Variants in PRKAR2A observed in about 807,000 individuals in gnomAD.
The protein encoded by PRKAR2A is protein kinase cAMP-dependent type II regulatory subunit alpha, also known as cAMP-dependent protein kinase type II-alpha regulatory subunit.
A neutral mutation model predicts 51.9 loss-of-function variants in PRKAR2A; 29 were observed. The ratio of observed to expected loss-of-function variants is 0.56; its 90% confidence interval spans 0.42 to 0.76. The LOEUF (loss-of-function observed/expected upper bound fraction) is 0.76. Ranked by LOEUF, PRKAR2A falls within the 30% of genes least tolerant of loss-of-function variation. PRKAR2A has a pLI of 0.00. For synonymous variants in PRKAR2A, 178 were observed against 186.2 expected, an observed-to-expected ratio of 0.96 and a Z score of 0.36; for missense variants, 445 against 512.1, an observed-to-expected ratio of 0.87 and a Z score of 1.26.
chr3:48,746,573 A>G (rs1028172580), downstream of PRKAR2A: 7 of 152,146 alleles, frequency 4.6e-5, no homozygotes, highest in African/African-American at 1.7e-4. Context: ...AGACTGCACC[A>G]GAAAGTCAGA....
At chr3:48,785,916 C>G (rs1029376564) in intron 4 of PRKAR2A, among the ~76,000 whole-genome samples, 2 of 151,974 alleles carry the variant, frequency 1.3e-5, no homozygotes, top group Non-Finnish European at 2.9e-5. Flanking sequence ...TGTTATTATT[C>G]TTTTGAATTT....
At chr3:48,776,465 A>G (rs566621332) in intron 5 of PRKAR2A, among the ~76,000 whole-genome samples, 2 of 152,280 alleles carry the variant, frequency 1.3e-5, no homozygotes, top group East Asian at 1.9e-4. Context: ...GTTTCTATAT[A>G]TATCATGGAG....
intron 2 of PRKAR2A, among the ~76,000 whole-genome samples, chr3:48,801,284 C>CT (rs2082586170): frequency 6.6e-6 from 1 of 152,074 alleles, no homozygotes; most frequent in Non-Finnish European, 1.5e-5. Flanking sequence ...TCCCAGGTAG[C>CT]TGGGATTACA....
chr3:48,847,032 A>G lies in PRKAR2A; in HGVS notation c.262+303T>C, dbSNP rs554459360. 6.6e-6 allele frequency among the ~76,000 whole-genome samples: 1 copy of G among 152,370 alleles called. No homozygotes were observed. The highest frequency in any genetic ancestry group is 2.1e-4 in the South Asian group (1 of 4,832). ...GTTGTCTTCGAAGCCAAAACTGGTG[A>G]AGGGTCTTAAGCAAAGGCGAGGGAT... is the stretch of plus-strand genomic sequence containing the variant. On this transcript the variant is annotated intron_variant, in intron 1 of 10. Coordinates refer to ENST00000265563, the MANE Select transcript of PRKAR2A (RefSeq NM_004157.4). This position sits in a 1 kb window ranked among gnomAD's most constrained non-coding sequence, Gnocchi z 4.4.
At chr3:48,824,561 GAAA>G (rs2083026855) in intron 1 of PRKAR2A, among the ~76,000 whole-genome samples, 2 of 124,650 alleles carry the variant, frequency 1.6e-5, no homozygotes, top group Non-Finnish European at 3.2e-5. Context: ...AAGAAAGAAA[GAAA>G]GAAAGAAAGA....
downstream of PRKAR2A, among the ~76,000 whole-genome samples, chr3:48,745,434 A>T (rs2081553236): frequency 1.3e-5 from 2 of 151,610 alleles, no homozygotes; most frequent in African/African-American, 4.9e-5. Context: ...TGTGATTGCT[A>T]ATTTTATGTG....
At chr3:48,752,659 G>A (rs560305674) in intron 9 of PRKAR2A, among the ~76,000 whole-genome samples, 4 of 151,952 alleles carry the variant, frequency 2.6e-5, no homozygotes, top group South Asian at 2.1e-4. Context: ...TTGAGACTGC[G>A]CCTTGAACAA....
At chr3:48,753,055 C>A (rs1256051638) in intron 9 of PRKAR2A, among the ~76,000 whole-genome samples, 1 of 150,550 alleles carries the variant, frequency 6.6e-6, no homozygotes, top group African/African-American at 2.4e-5. Context: ...GCCTCAACCT[C>A]CCAAGTAGCT....
chr3:48,779,572 G>C (rs1394858037), intron 5 of PRKAR2A, among the ~76,000 whole-genome samples: 2 of 151,182 alleles, frequency 1.3e-5, no homozygotes, highest in Non-Finnish European at 2.9e-5. Context: ...CTTGAGGTCA[G>C]GAGTTCAAGA....
intron 9 of PRKAR2A, among the ~76,000 whole-genome samples, chr3:48,754,599 C>G (rs1356061729): frequency 6.6e-6 from 1 of 151,790 alleles, no homozygotes; most frequent in East Asian, 2.0e-4. Flanking sequence ...ATGGGGAAAC[C>G]CTGTCCCTAC....
chr3:48,810,920 T>C (rs964491412), intron 1 of PRKAR2A, among the ~76,000 whole-genome samples: 2 of 152,166 alleles, frequency 1.3e-5, no homozygotes, highest in African/African-American at 2.4e-5. Context: ...CTCATGCTTA[T>C]AATCTCAGCA....
intron 2 of PRKAR2A, among the ~76,000 whole-genome samples, chr3:48,798,102 G>A (rs562764914): frequency 5.5e-4 from 83 of 152,034 alleles, no homozygotes; most frequent in African/African-American, 1.9e-3. Flanking sequence ...ACAGGTGCCC[G>A]CCACCACACC....
intron 1 of PRKAR2A, among the ~76,000 whole-genome samples, chr3:48,828,836 TG>T (rs930319531): frequency 3.3e-5 from 5 of 151,970 alleles, no homozygotes; most frequent in African/African-American, 1.2e-4. Flanking sequence ...GTTTTTTTCT[TG>T]TTTTTTGTTT....
chr3:48,786,661 A>T lies in PRKAR2A; in HGVS notation c.436-3569T>A, dbSNP rs13324192. 2.8e-3 allele frequency among the ~76,000 whole-genome samples: 423 copies of T among 151,844 alleles called. 2 individuals carry two copies. Among genetic ancestry groups the T allele is most frequent in the African/African-American group, 8.2e-3 (341 of 41,508 alleles). On this transcript the variant is annotated intron_variant, in intron 4 of 10. Transcript: ENST00000265563. Reference sequence around the variant, plus strand: ...AAATAAAAAATAAAAAAAAATTTTTAAAAAAGATAACTTGGGGGAAAAGGT... The same window carrying T: ...AAATAAAAAATAAAAAAAAATTTTTTAAAAAGATAACTTGGGGGAAAAGGT...
At chr3:48,800,233 G>A (rs1231673208) in intron 2 of PRKAR2A, among the ~76,000 whole-genome samples, 2 of 151,274 alleles carry the variant, frequency 1.3e-5, no homozygotes, top group Admixed American at 6.6e-5. Context: ...AATTTGGGAG[G>A]GCTGGGCACA....
chr3:48,774,119 C>T (rs1296086748), intron 5 of PRKAR2A, among the ~76,000 whole-genome samples: 1 of 152,070 alleles, frequency 6.6e-6, no homozygotes, highest in African/African-American at 2.4e-5. Flanking sequence ...AGGCATGAGC[C>T]ACCATGCCCG....
chr3:48,756,410 G>T lies in PRKAR2A; in HGVS notation c.908C>A (p.Ser303Tyr), dbSNP rs1341468844. The change falls in exon 9 of 11, where the codon TCT becomes TAT. Residue 303 changes from serine to tyrosine, a missense_variant. Physicochemically the swap from Ser to Tyr is moderately radical, Grantham distance 144. Transcript: ENST00000265563. ...TCTAATCAAGATGCTCACTTCGCCA[G>T]ACTCTATGATGTAAAAGCTATCAGC... The part of the protein sequence containing the change: ...EKADSFYIIE[S>Y]GEVSILIRSR... 6.2e-7 allele frequency: 1 copy of T among 1,613,986 alleles called. No homozygotes were observed. Among genetic ancestry groups the T allele is most frequent in the Non-Finnish European group, 8.5e-7 (1 of 1,179,964 alleles).
chr3:48,840,567 C>CTTTTTT (rs760883553), intron 1 of PRKAR2A, among the ~76,000 whole-genome samples: 1 of 69,520 alleles, frequency 1.4e-5, no homozygotes, highest in South Asian at 8.0e-4. Flanking sequence ...TTGTTTTCAC[C>CTTTTTT]TTTTTTTTTT....
chr3:48,810,822 T>C (rs1229410481), intron 1 of PRKAR2A, among the ~76,000 whole-genome samples: 13 of 152,064 alleles, frequency 8.5e-5, no homozygotes, highest in Admixed American at 3.3e-4. Flanking sequence ...TAAGGGAATA[T>C]TGGTACAGTT....
Sources: allele counts gnomAD v4.1 joint callset (sites outside exome capture counted in the v4.1 genomes callset), GRCh38; gene constraint gnomAD v4.1.1; non-coding constraint Gnocchi (gnomAD v3.1); transcripts MANE v1.5; gene names NCBI Gene and HGNC (gene_info 2026-07-23, HGNC 2026-07-21).